STAG1: variants seen among roughly 807,000 people sequenced by gnomAD.
STAG1 encodes the protein STAG1 cohesin complex component.
Under a neutral mutation model 170.9 loss-of-function variants are expected in STAG1, and 26 were observed. The observed-to-expected ratio is 0.15, with a 90% CI of 0.11 to 0.21. The LOEUF is 0.21. STAG1 is among the 10% of genes least tolerant of loss of function. The pLI is 1.00. For synonymous variants in STAG1, 514 were observed against 497.7 expected, an observed-to-expected ratio of 1.03 and a Z score of -0.44; for missense variants, 964 against 1,509.5, an observed-to-expected ratio of 0.64 and a Z score of 5.99.
chr3:136,701,113 C>G (rs1943045617), intron 1 of STAG1, among the ~76,000 whole-genome samples: 1 of 151,998 alleles, frequency 6.6e-6, no homozygotes, highest in Admixed American at 6.6e-5. Context: ...AACTCTTGAC[C>G]TCAGGTGATC....
chr3:136,708,021 AATAGGAACTCTC>A (rs1489704812), intron 1 of STAG1, among the ~76,000 whole-genome samples: 1 of 152,196 alleles, frequency 6.6e-6, no homozygotes, highest in East Asian at 1.9e-4. Context: ...GATGTGAAGG[AATAGGAACTCTC>A]ATACATTGCT....
At chr3:136,627,068 T>C (rs1043856769) in intron 2 of STAG1, among the ~76,000 whole-genome samples, 1 of 152,220 alleles carries the variant, frequency 6.6e-6, no homozygotes, top group Non-Finnish European at 1.5e-5. Context: ...AACTAACCTA[T>C]TCTTCAGCAG....
chr3:136,428,380 T>C (rs2088196037), intron 16 of STAG1, among the ~76,000 whole-genome samples: 2 of 152,202 alleles, frequency 1.3e-5, no homozygotes, highest in Admixed American at 6.5e-5. Flanking sequence ...AGGAAGTACC[T>C]TGCCAGTAAG....
chr3:136,623,395 T>A, intron 2 of STAG1, 147 bp from the exon 3 acceptor site: 1 of 555,730 alleles, frequency 1.8e-6, no homozygotes, highest in East Asian at 3.6e-5. Context: ...ACTAAAAATG[T>A]TATCCTCCCT....
chr3:136,577,901 T>C (rs1297718618), intron 4 of STAG1, among the ~76,000 whole-genome samples: 1 of 152,190 alleles, frequency 6.6e-6, no homozygotes, highest in African/African-American at 2.4e-5. Context: ...TCGCTGAAAG[T>C]GACTACAACA....
rs1228039980 is a variant in STAG1, at chr3:136,597,097, G to A, written c.297+7212C>T. Among the ~76,000 whole-genome samples the A allele has an allele frequency of 2.0e-5, 3 of 152,106 alleles. No homozygotes were observed. In the East Asian group the frequency reaches 5.8e-4, roughly 29 times the overall value. On this transcript the variant is annotated intron_variant, in intron 4 of 33. Transcript: ENST00000383202. Reference sequence around the variant, plus strand: ...TCTTAAAAAAAAATTTTTTTTCAGAGTTTAAATATACCACAGTTTATCAAT... The same window carrying A: ...TCTTAAAAAAAAATTTTTTTTCAGAATTTAAATATACCACAGTTTATCAAT...
chr3:136,745,222 T>C (rs895404840), intron 1 of STAG1, among the ~76,000 whole-genome samples: 5 of 152,262 alleles, frequency 3.3e-5, no homozygotes, highest in Non-Finnish European at 4.4e-5. Context: ...TTTTGGCCCA[T>C]AGCACAAAGG....
At chr3:136,403,020 G>C (rs560522867) in intron 21 of STAG1, among the ~76,000 whole-genome samples, 2 of 151,664 alleles carry the variant, frequency 1.3e-5, no homozygotes, top group South Asian at 2.1e-4. Context: ...CTGAGGTCAG[G>C]AGTTCTAGAC....
intron 1 of STAG1, among the ~76,000 whole-genome samples, chr3:136,642,161 T>C (rs1940826943): frequency 6.6e-6 from 1 of 151,856 alleles, no homozygotes; most frequent in South Asian, 2.1e-4. Flanking sequence ...AGATCAAAAA[T>C]TATAACTACT....
intron 1 of STAG1, among the ~76,000 whole-genome samples, chr3:136,695,539 C>T (rs1942860091): frequency 6.6e-6 from 1 of 151,684 alleles, no homozygotes; most frequent in African/African-American, 2.4e-5. Flanking sequence ...ACCCTGAAAG[C>T]CCATTTTGTA....
chr3:136,502,108 G>C (rs908542020), intron 8 of STAG1, among the ~76,000 whole-genome samples: 1 of 152,044 alleles, frequency 6.6e-6, no homozygotes, highest in Non-Finnish European at 1.5e-5. Context: ...TTTTGGGGAG[G>C]TGGAGGTTGC....
intron 1 of STAG1, among the ~76,000 whole-genome samples, chr3:136,696,154 G>A (rs192878850): frequency 6.6e-6 from 1 of 152,228 alleles, no homozygotes; most frequent in Non-Finnish European, 1.5e-5. Context: ...AGTTTTTCTG[G>A]AACCACCAAG....
At chr3:136,682,018 A>G (rs1334509434) in intron 1 of STAG1, among the ~76,000 whole-genome samples, 2 of 152,202 alleles carry the variant, frequency 1.3e-5, no homozygotes, top group Middle Eastern at 3.2e-3. Context: ...TGGAAGTCCT[A>G]GCCAGAACAA....
At chr3:136,657,235 T>C (rs1941416574) in intron 1 of STAG1, among the ~76,000 whole-genome samples, 1 of 148,952 alleles carries the variant, frequency 6.7e-6, no homozygotes, top group Non-Finnish European at 1.5e-5. Context: ...GTTTCACTCT[T>C]GTCGTCTAGG....
At chr3:136,552,475 C>CA (rs1936445518) in intron 5 of STAG1, among the ~76,000 whole-genome samples, 1 of 152,004 alleles carries the variant, frequency 6.6e-6, no homozygotes, top group African/African-American at 2.4e-5. Context: ...CATCTGAAGC[C>CA]ATATGAAGCA....
At chr3:136,537,422 T>C (rs1306158733) in intron 6 of STAG1, among the ~76,000 whole-genome samples, 1 of 152,030 alleles carries the variant, frequency 6.6e-6, no homozygotes, top group East Asian at 1.9e-4. Flanking sequence ...TCCTCACTGG[T>C]TTCTTAGGTT....
intron 9 of STAG1, chr3:136,499,972 T>C (rs2107862518): frequency 6.7e-6 from 2 of 298,564 alleles, no homozygotes; most frequent in East Asian, 1.7e-4. Context: ...TAATATTCCA[T>C]CAGTATAAAT....
intron 6 of STAG1, among the ~76,000 whole-genome samples, chr3:136,535,483 C>T (rs559376605): frequency 3.3e-5 from 5 of 152,040 alleles, no homozygotes; most frequent in African/African-American, 9.7e-5. Context: ...GCCAACATGG[C>T]GAAACTTTGT....
chr3:136,466,522 T>C (rs1372152167), intron 12 of STAG1, among the ~76,000 whole-genome samples: 1 of 152,072 alleles, frequency 6.6e-6, no homozygotes, highest in African/African-American at 2.4e-5. Flanking sequence ...CAAATCTACG[T>C]CGGATTGGTG....
Sources: gnomAD v4.1 joint callset for allele counts (sites outside exome capture counted in the v4.1 genomes callset) on GRCh38, gnomAD v4.1.1 for gene constraint, MANE v1.5 for transcripts, NCBI Gene and HGNC (gene_info 2026-07-23, HGNC 2026-07-21) for gene names.